Variants in EVI5L observed in about 807,000 individuals in gnomAD.
EVI5L encodes EVI5-like protein.
A neutral mutation model predicts 106.1 loss-of-function variants in EVI5L; 30 were observed. The ratio of observed to expected loss-of-function variants is 0.28; its 90% CI spans 0.21 to 0.38. The LOEUF is 0.38. EVI5L is among the 10% of genes least tolerant of loss of function. The pLI is 1.00. For missense variants in EVI5L, 809 were observed against 1,098.0 expected (o/e 0.74, Z 3.72); for synonymous variants, 489 against 483.3 (o/e 1.01, Z -0.15).
Position 7,847,937 on chromosome 19 carries a change from G to A in EVI5L, c.327+16G>A, listed in dbSNP as rs748002704. On this transcript the variant is annotated intron_variant, in intron 3 of 19. Coordinates refer to ENST00000538904, the MANE Select transcript of EVI5L (RefSeq NM_001159944.3). Reference sequence around the variant, plus strand: ...GCTGCTCAAGGTGGGGGGCGGCCAGGCAGGCAGGGCTGGGCCGACGGCGTG... The same window carrying A: ...GCTGCTCAAGGTGGGGGGCGGCCAGACAGGCAGGGCTGGGCCGACGGCGTG... 2.6e-6 allele frequency: 4 copies of A among 1,533,332 alleles called. No homozygotes were observed. Among genetic ancestry groups the A allele is most frequent in the African/African-American group, 1.4e-5 (1 of 72,484 alleles). 95.0% of individuals were successfully genotyped at this position (1,533,332 alleles called of 1,614,324 possible). A position where few individuals can be genotyped will look rare whatever the true frequency, so the allele number is the denominator to read the frequency against.
At chr19:7,843,660 G>A (rs1177461791) in intron 1 of EVI5L, among the ~76,000 whole-genome samples, 4 of 151,204 alleles carry the variant, frequency 2.6e-5, no homozygotes, top group Non-Finnish European at 5.9e-5. Flanking sequence ...GTGCATGTGT[G>A]TGTATAGGTG....
At chr19:7,862,748 C>A (rs1377507949) in intron 17 of EVI5L, among the ~76,000 whole-genome samples, 1 of 125,388 alleles carries the variant, frequency 8.0e-6, no homozygotes, top group Non-Finnish European at 1.7e-5. Context: ...CCACCCCCCC[C>A]CGCGGTCCCG....
At position 7,853,279 on chromosome 19, in the gene EVI5L, G is replaced by A. The variant is rs1330700134; in HGVS notation, c.1092G>A (p.Glu364=). ...GGGCCCTCCCGATCTGCAGGCTGGA[G>A]AAGGAGTACGCAGCCATGAAGAGCA... ...KYNPKKMKRL[E]KEYAAMKSKE... The change falls in exon 10 of 20, where the codon GAG becomes GAA. Residue 364 remains glutamate (E), a synonymous_variant. Coordinates refer to ENST00000538904, the MANE Select transcript of EVI5L (RefSeq NM_001159944.3). 6.2e-7 allele frequency: 1 copy of A among 1,613,890 alleles called. No individual in the cohort carries two copies. The highest frequency in any genetic ancestry group is 1.1e-5 in the South Asian group (1 of 91,084).
rs368650704 is a variant in EVI5L, at chr19:7,834,097, G to A, written c.-48+3716G>A. 1.8e-3 allele frequency among the ~76,000 whole-genome samples: 271 copies of A among 152,186 alleles called. 2 individuals are homozygous for A. The highest frequency in any genetic ancestry group is 5.2e-3 in the African/African-American group (217 of 41,534). On this transcript the variant is annotated intron_variant, in intron 1 of 19. Transcript: ENST00000538904. ...CACGGTGGCTCACGCCTGTAATCCC[G>A]GCACTTTGGGAGGCCGAGGCGGGTG...
At chr19:7,831,259 AC>A (rs1978292487) in intron 1 of EVI5L, among the ~76,000 whole-genome samples, 2 of 132,828 alleles carry the variant, frequency 1.5e-5, no homozygotes, top group Non-Finnish European at 3.3e-5. Flanking sequence ...ACACACACAC[AC>A]ACACACACAC....
intron 5 of EVI5L, 23 bp from the exon 6 acceptor site, chr19:7,849,974 C>G (rs1321839149): frequency 2.5e-6 from 4 of 1,570,588 alleles, no homozygotes; most frequent in African/African-American, 1.3e-5. Context: ...CCCTGAGCCC[C>G]CCCACCTGCC....
In EVI5L at chr19:7,851,693, G is replaced by C; in HGVS notation, c.910G>C (p.Val304Leu). The C allele has an allele frequency of 6.3e-7, 1 of 1,576,876 alleles. No individual in the cohort carries two copies. The highest frequency in any genetic ancestry group is 2.3e-5 in the East Asian group (1 of 43,000). ...GCCGCCTTTGCAGGGGCTGGAGATC[G>C]TGTTCCGAGTGGGCCTCGCCCTGCT... ...DIFMYEGLEI[V>L]FRVGLALLQV... Residue 304 changes from valine to leucine, a missense_variant, in exon 8 of 20, where the codon GTG becomes CTG. By Grantham distance (32) the Val-to-Leu change is conservative. This residue lies in a region of EVI5L where 357 missense variants were observed against 588.1 expected (regional missense o/e 0.61). Coordinates refer to ENST00000538904, the MANE Select transcript of EVI5L (RefSeq NM_001159944.3).
chr19:7,864,063 C>T lies in EVI5L; in HGVS notation c.*361C>T. On this transcript the variant is annotated 3_prime_UTR_variant, in exon 20 of 20. Transcript: ENST00000538904. This position sits in a 1 kb window ranked among gnomAD's most constrained non-coding sequence, Gnocchi z 4.5. ...TGAATGAGCAGGCAGCTCCCACCTC[C>T]TGGCAGGCTTCCTTCTGGGACAGGG... 1 of 253,178 alleles carries T rather than the reference C, an allele frequency of 3.9e-6. No individual in the cohort carries two copies. Among genetic ancestry groups the T allele is most frequent in the East Asian group, 7.5e-5 (1 of 13,370 alleles). 15.7% of individuals were successfully genotyped at this position (253,178 alleles called of 1,614,324 possible).
At chr19:7,852,991 C>A in intron 8 of EVI5L, 95 bp from the exon 9 acceptor site, 1 of 1,237,924 alleles carries the variant, frequency 8.1e-7, no homozygotes. Flanking sequence ...CGGGCAGACC[C>A]GTTCCTGCCC....
chr19:7,833,464 G>T (rs1024246121), intron 1 of EVI5L, among the ~76,000 whole-genome samples: 1 of 152,240 alleles, frequency 6.6e-6, no homozygotes, highest in African/African-American at 2.4e-5. Flanking sequence ...GGCCTGCTGC[G>T]GGGAGCATGA....
At chr19:7,853,026 C>T (rs1385223650) in intron 8 of EVI5L, 60 bp from the exon 9 acceptor site, 24 of 1,577,518 alleles carry the variant, frequency 1.5e-5, no homozygotes, top group Middle Eastern at 1.7e-4. Context: ...AGGGCTCGGG[C>T]GGCCCCCGGT....
chr19:7,849,827 A>C lies in EVI5L; in HGVS notation c.628-170A>C, dbSNP rs376936439. ...AGGTGACCTCAGCCTCAGGTCTTCCATCAGTAAAACAGCTTGTGAGGACAC... is the reference window on the plus strand; with the variant it reads ...AGGTGACCTCAGCCTCAGGTCTTCCCTCAGTAAAACAGCTTGTGAGGACAC... On this transcript the variant is annotated intron_variant, in intron 5 of 19. Transcript: ENST00000538904. Among the ~76,000 whole-genome samples, 66 of 152,234 alleles carry C rather than the reference A, an allele frequency of 4.3e-4. 1 individual carries two copies. In the East Asian group the frequency reaches 0.012, roughly 28 times the overall value.
chr19:7,830,259 C>G lies in EVI5L; in HGVS notation c.-170C>G, dbSNP rs1426764223. 2 of 150,584 alleles carry G rather than the reference C, an allele frequency of 1.3e-5. No homozygotes were observed. Among genetic ancestry groups the G allele is most frequent in the Non-Finnish European group, 3.0e-5 (2 of 67,458 alleles). The allele number at this position is 150,584 out of a possible 1,614,324, so 9.3% of individuals were successfully genotyped here. On this transcript the variant is annotated 5_prime_UTR_variant, in exon 1 of 20. Coordinates refer to ENST00000538904, the MANE Select transcript of EVI5L (RefSeq NM_001159944.3). Reference sequence around the variant, plus strand: ...GCAGCGGCGGAGCCGGCGGCGGCCGCGGTCCCGGGGGGCGGCTGAGGGGGC... The same window carrying G: ...GCAGCGGCGGAGCCGGCGGCGGCCGGGGTCCCGGGGGGCGGCTGAGGGGGC...
At position 7,856,487 on chromosome 19, in the gene EVI5L, C is replaced by T. The variant is rs563219612; in HGVS notation, c.1200+419C>T. ...GAAAGGAAACCCAGTGGAGGAGAAG[C>T]GTGGCGCCATGGTGGGGAGCCACAG... is the stretch of plus-strand genomic sequence containing the variant. On this transcript the variant is annotated intron_variant, in intron 11 of 19. Coordinates refer to ENST00000538904, the MANE Select transcript of EVI5L (RefSeq NM_001159944.3). This position sits in a 1 kb window ranked among gnomAD's most constrained non-coding sequence, Gnocchi z 6.6. 1.3e-5 allele frequency among the ~76,000 whole-genome samples: 2 copies of T among 152,066 alleles called. No homozygotes were observed. Among genetic ancestry groups the T allele is most frequent in the East Asian group, 2.0e-4 (1 of 5,126 alleles).
chr19:7,860,570 CG>C lies in EVI5L; in HGVS notation c.1385del (p.Arg462ProfsTer58). ...RQLQEQQENP[R>X]LTEDFVSHLE... The stretch of plus-strand genomic sequence containing the variant: ...TCTCTGCCTCCCCCAGGAGAACCCC[CG>C]CCTCACAGAAGACTTCGTGTCCCAC... On this transcript the variant is annotated frameshift_variant, in exon 14 of 20. Transcript: ENST00000538904. LOFTEE classifies it high-confidence loss of function. 1 of 1,591,486 alleles carries C rather than the reference CG, an allele frequency of 6.3e-7. No homozygotes were observed.
rs1305344536 is a variant in EVI5L at position 7,864,217 on chromosome 19, C to G, written c.*515C>G. ...TGACCCTTGACTAGCCCCTGGCCAT[C>G]TCTAGGGGAGTCAGGCCGCTGGGGA... On this transcript the variant is annotated 3_prime_UTR_variant, in exon 20 of 20. Coordinates refer to ENST00000538904, the MANE Select transcript of EVI5L (RefSeq NM_001159944.3). This position sits in a 1 kb window ranked among gnomAD's most constrained non-coding sequence, Gnocchi z 4.5. The G allele has an allele frequency of 6.5e-6, 1 of 153,370 alleles. No individual in the cohort carries two copies. The highest frequency in any genetic ancestry group is 2.4e-5 in the African/African-American group (1 of 41,484). 9.5% of individuals were successfully genotyped at this position (153,370 alleles called of 1,614,324 possible). A position where few individuals can be genotyped will look rare whatever the true frequency, so the allele number is the denominator to read the frequency against.
rs1292352026 is a variant in EVI5L, at chr19:7,862,960, C to T, written c.1948-12C>T. On this transcript the variant is annotated splice_polypyrimidine_tract_variant and intron_variant, in intron 17 of 19. Transcript: ENST00000538904. Reference sequence around the variant, plus strand: ...GACCCGCCCTCCTTTCCCCCCAATCCCCCGACCCCAGAGCAAGGAGGAGGT... The same window carrying T: ...GACCCGCCCTCCTTTCCCCCCAATCTCCCGACCCCAGAGCAAGGAGGAGGT... 3.3e-6 allele frequency: 5 copies of T among 1,536,814 alleles called. No homozygotes were observed. The South Asian group carries it at 4.8e-5, about 15-fold the overall frequency.
At chr19:7,860,464 A>T in intron 13 of EVI5L, 97 bp from the exon 14 acceptor site, 4 of 1,105,106 alleles carry the variant, frequency 3.6e-6, no homozygotes, top group Non-Finnish European at 5.0e-6. Context: ...CTCCCTGCTG[A>T]AGGGCTCTGG....
chr19:7,862,740 A>AC (rs71179150), intron 17 of EVI5L, among the ~76,000 whole-genome samples: 877 of 23,116 alleles, frequency 0.038, 20 homozygotes, highest in South Asian at 0.073. Flanking sequence ...CCTCCTGACC[A>AC]CCCCCCCCCG....
Sources: allele counts gnomAD v4.1 joint callset (sites outside exome capture counted in the v4.1 genomes callset), GRCh38; gene constraint gnomAD v4.1.1; regional missense constraint gnomAD v4.1.1; non-coding constraint Gnocchi (gnomAD v3.1); transcripts MANE v1.5; gene names NCBI Gene and HGNC (gene_info 2026-07-23, HGNC 2026-07-21).